Variants in ZSCAN5A observed in about 807,000 individuals in gnomAD.
ZSCAN5A encodes zinc finger and SCAN domain-containing protein 5A.
ZSCAN5A carries 12 observed loss-of-function variants against 23.7 expected under a neutral mutation model. That is an observed-to-expected ratio of 0.51 (90% CI 0.32 to 0.82). The LOEUF is 0.82. Among genes scored for constraint, ZSCAN5A ranks in the 40% least tolerant of loss-of-function variants. ZSCAN5A has a pLI of 0.03. For missense variants in ZSCAN5A, 597 were observed against 617.9 expected (o/e 0.97, Z 0.36); for synonymous variants, 257 against 239.9 (o/e 1.07, Z -0.66).
At chr19:56,245,358 C>T (rs756353853) in intron 2 of ZSCAN5A, 41 of 751,390 alleles carry the variant, frequency 5.5e-5, no homozygotes, top group Middle Eastern at 2.3e-4. Context: ...GAGATGCGTC[C>T]GGGGGAAGGC....
At chr19:56,244,442 G>C (rs536359770) in intron 2 of ZSCAN5A, 3 of 1,579,512 alleles carry the variant, frequency 1.9e-6, no homozygotes, top group Non-Finnish European at 1.7e-6. Flanking sequence ...TGGGACCCTC[G>C]TGACTGGTGC....
At chr19:56,280,452 T>C (rs2038606910) in intron 2 of ZSCAN5A, 1 of 152,068 alleles carries the variant, frequency 6.6e-6, no homozygotes, top group African/African-American at 2.4e-5. Context: ...TATATATCAA[T>C]GTAGATCTAC....
upstream of ZSCAN5A, among the ~76,000 whole-genome samples, chr19:56,318,541 T>G (rs1568748977): frequency 6.6e-6 from 1 of 152,206 alleles, no homozygotes; most frequent in Non-Finnish European, 1.5e-5. Context: ...GGCTATTCTT[T>G]AAAAACATAC....
intron 2 of ZSCAN5A, chr19:56,297,572 GTGTGT>G: frequency 5.2e-6 from 5 of 969,510 alleles, no homozygotes; most frequent in Non-Finnish European, 6.1e-6. Context: ...CTATAAGACA[GTGTGT>G]CCCTTCTGTC....
At chr19:56,290,230 T>C (rs2039422567) in intron 2 of ZSCAN5A, among the ~76,000 whole-genome samples, 3 of 152,242 alleles carry the variant, frequency 2.0e-5, no homozygotes, top group African/African-American at 7.2e-5. Context: ...TGAGAACTAC[T>C]GAGATAAAGT....
rs1003019065 is a variant in ZSCAN5A, at chr19:56,323,115, C to T, written c.-357-6847G>A. Reference sequence around the variant, plus strand: ...TTCACCTTGTTAGCCAGGATGGTCTCGATCTCCTGATCTCATGATCCACCT... The same window carrying T: ...TTCACCTTGTTAGCCAGGATGGTCTTGATCTCCTGATCTCATGATCCACCT... On this transcript the variant is annotated intron_variant, in intron 2 of 6. Transcript: ENST00000587340. Among the ~76,000 whole-genome samples the T allele has an allele frequency of 3.1e-4, 47 of 151,964 alleles. 1 individual carries two copies. The highest frequency in any genetic ancestry group is 6.2e-4 in the South Asian group (3 of 4,820).
chr19:56,228,203 C>G, intron 2 of ZSCAN5A: 1 of 985,260 alleles, frequency 1.0e-6, no homozygotes, highest in African/African-American at 1.7e-5. Flanking sequence ...AAACCAACCC[C>G]CGACATGCCA....
chr19:56,228,259 C>T, intron 2 of ZSCAN5A: 1 of 985,348 alleles, frequency 1.0e-6, no homozygotes, highest in Non-Finnish European at 1.2e-6. Context: ...CACCTCCTTC[C>T]CGGCTTCTGC....
intron 2 of ZSCAN5A, chr19:56,272,921 T>C (rs1210051307): frequency 1.0e-6 from 1 of 983,742 alleles, no homozygotes; most frequent in African/African-American, 1.7e-5. Context: ...CTCGTGAAGG[T>C]AATGCTTCCA....
intron 2 of ZSCAN5A, among the ~76,000 whole-genome samples, chr19:56,252,921 A>AT (rs2036448916): frequency 6.6e-6 from 1 of 152,242 alleles, no homozygotes; most frequent in Non-Finnish European, 1.5e-5. Context: ...TGACAAGGCC[A>AT]TAACAGGAGC....
chr19:56,239,092 A>G (rs1342076100), intron 2 of ZSCAN5A, among the ~76,000 whole-genome samples: 2 of 152,270 alleles, frequency 1.3e-5, no homozygotes, highest in Admixed American at 1.3e-4. Flanking sequence ...ATAATCTTAT[A>G]TCATCTTCCA....
At chr19:56,339,339 G>A (rs868151393) in intron 2 of ZSCAN5A, among the ~76,000 whole-genome samples, 11 of 150,850 alleles carry the variant, frequency 7.3e-5, no homozygotes, top group African/African-American at 2.7e-4. Context: ...AGCGGCTGTA[G>A]CCGCATTTAG....
At chr19:56,350,070 A>G (rs1474555988) in intron 2 of ZSCAN5A, among the ~76,000 whole-genome samples, 2 of 152,242 alleles carry the variant, frequency 1.3e-5, no homozygotes, top group Non-Finnish European at 2.9e-5. Flanking sequence ...GGCACTCACA[A>G]TGTGGAATTC....
chr19:56,247,819 G>C (rs907439968), intron 2 of ZSCAN5A, among the ~76,000 whole-genome samples: 2 of 152,016 alleles, frequency 1.3e-5, no homozygotes, highest in Non-Finnish European at 2.9e-5. Flanking sequence ...AGCCTCCCGA[G>C]TAGCTGGGAC....
At chr19:56,272,058 C>T (rs948579459) in intron 2 of ZSCAN5A, among the ~76,000 whole-genome samples, 3 of 152,154 alleles carry the variant, frequency 2.0e-5, no homozygotes, top group Admixed American at 6.5e-5. Flanking sequence ...ATTATCCCAA[C>T]TTTATAGATC....
chr19:56,313,752 T>A (rs543490670), intron 1 of ZSCAN5A, among the ~76,000 whole-genome samples: 1 of 152,306 alleles, frequency 6.6e-6, no homozygotes, highest in South Asian at 2.1e-4. Context: ...CCTTTGTACA[T>A]TTAATTATCC....
intron 2 of ZSCAN5A, among the ~76,000 whole-genome samples, chr19:56,279,430 AG>A (rs1253131322): frequency 6.6e-6 from 1 of 152,256 alleles, no homozygotes; most frequent in African/African-American, 2.4e-5. Flanking sequence ...CAAAATGGAA[AG>A]GACTGTGAGA....
At chr19:56,322,138 GTC>G (rs1218795282) in intron 2 of ZSCAN5A, 3 of 766,526 alleles carry the variant, frequency 3.9e-6, no homozygotes, top group Admixed American at 1.8e-5. Context: ...GTAGCTGAGC[GTC>G]TCTGGAAGGA....
At chr19:56,273,899 A>T (rs2038046589) in intron 2 of ZSCAN5A, among the ~76,000 whole-genome samples, 1 of 152,166 alleles carries the variant, frequency 6.6e-6, no homozygotes, top group Admixed American at 6.5e-5. Flanking sequence ...GTGTGTTTAA[A>T]CAATGTGTCT....
Sources: gnomAD v4.1 joint callset for allele counts (sites outside exome capture counted in the v4.1 genomes callset) on GRCh38, gnomAD v4.1.1 for gene constraint, MANE v1.5 for transcripts, NCBI Gene and HGNC (gene_info 2026-07-23, HGNC 2026-07-21) for gene names.